HTR2C: variants seen among roughly 807,000 people sequenced by gnomAD.
HTR2C encodes the protein 5-hydroxytryptamine (serotonin) receptor 2C, G protein-coupled.
A neutral mutation model predicts 21.0 loss-of-function variants in HTR2C; 5 were observed. The observed-to-expected ratio is 0.24, with a 90% confidence interval of 0.12 to 0.50. The LOEUF (loss-of-function observed/expected upper bound fraction) is 0.50, where lower values mean the gene tolerates loss of function less well. Among genes scored for constraint, HTR2C ranks in the 20% least tolerant of loss-of-function variants. The probability of loss-of-function intolerance (pLI) is 0.98; values close to 1 mark genes in which losing one functional copy is unlikely to be tolerated. For synonymous variants in HTR2C, 150 were observed against 145.3 expected, an observed-to-expected ratio of 1.03 and a Z score of -0.23; for missense variants, 271 against 371.2, an observed-to-expected ratio of 0.73 and a Z score of 2.22.
At chrX:114,815,535 G>A (rs1415092794) in intron 4 of HTR2C, among the ~76,000 whole-genome samples, 1 of 111,261 alleles carries the variant, frequency 9.0e-6, no homozygotes, top group Non-Finnish European at 1.9e-5. Context: ...AGAAACTAGA[G>A]TTAGAAACAG....
At chrX:114,590,709 G>A (rs1556390856) in intron 1 of HTR2C, among the ~76,000 whole-genome samples, 1 of 111,708 alleles carries the variant, frequency 9.0e-6, no homozygotes, top group Non-Finnish European at 1.9e-5. Flanking sequence ...ACATATTTTA[G>A]GGCAATAAAA....
chrX:114,684,030 G>A (rs1931835656), intron 2 of HTR2C, among the ~76,000 whole-genome samples: 1 of 111,618 alleles, frequency 9.0e-6, no homozygotes, highest in African/African-American at 3.2e-5. Context: ...CTTGCCAGCA[G>A]TGAAAGTATA....
intron 5 of HTR2C, among the ~76,000 whole-genome samples, chrX:114,899,217 C>T (rs2071318924): frequency 9.0e-6 from 1 of 111,364 alleles, no homozygotes; most frequent in South Asian, 3.8e-4. Flanking sequence ...TAGGAATGCG[C>T]TATCTCAGGC....
At chrX:114,703,350 A>T (rs1313192440) in intron 2 of HTR2C, among the ~76,000 whole-genome samples, 2 of 110,811 alleles carry the variant, frequency 1.8e-5, no homozygotes, top group African/African-American at 3.3e-5. Context: ...CAGAAATTAT[A>T]ACAAACTGTC....
intron 2 of HTR2C, among the ~76,000 whole-genome samples, chrX:114,725,448 G>C (rs782679087): frequency 1.8e-5 from 2 of 110,775 alleles, no homozygotes; most frequent in South Asian, 7.7e-4. Flanking sequence ...CATCTTCTTT[G>C]CCTTTGGTTT....
At chrX:114,709,358 G>A (rs1479111661) in intron 2 of HTR2C, among the ~76,000 whole-genome samples, 2 of 111,684 alleles carry the variant, frequency 1.8e-5, no homozygotes, top group Non-Finnish European at 3.8e-5. Flanking sequence ...TAATGATCTA[G>A]GAATATTGGT....
chrX:114,869,786 A>G (rs1017253687), intron 5 of HTR2C, among the ~76,000 whole-genome samples: 18 of 111,924 alleles, frequency 1.6e-4, no homozygotes, highest in African/African-American at 5.5e-4. Context: ...TCAGTATGAT[A>G]TTAGCTGTGG....
chrX:114,842,748 G>A (rs1167385280), intron 4 of HTR2C, among the ~76,000 whole-genome samples: 2 of 110,789 alleles, frequency 1.8e-5, no homozygotes, highest in African/African-American at 6.6e-5. Context: ...AAGCATTGAA[G>A]GAAGGTCCCA....
At chrX:114,725,713 T>G (rs5987813) in intron 2 of HTR2C, among the ~76,000 whole-genome samples, 1 of 106,789 alleles carries the variant, frequency 9.4e-6, no homozygotes, top group African/African-American at 3.4e-5. Flanking sequence ...TCCTTTCTGT[T>G]TGTTAGTTTT....
chrX:114,885,110 A>G (rs1556480910), intron 5 of HTR2C, among the ~76,000 whole-genome samples: 3 of 111,341 alleles, frequency 2.7e-5, no homozygotes, highest in African/African-American at 9.8e-5. Flanking sequence ...AATAATGTGT[A>G]CAACAAACAC....
chrX:114,897,738 A>T (rs2071307475), intron 5 of HTR2C, among the ~76,000 whole-genome samples: 1 of 112,274 alleles, frequency 8.9e-6, no homozygotes, highest in Non-Finnish European at 1.9e-5. Flanking sequence ...ACGTAATCTC[A>T]TTCCTTTTTA....
chrX:114,737,823 C>T (rs1310049863), intron 4 of HTR2C, among the ~76,000 whole-genome samples: 1 of 111,185 alleles, frequency 9.0e-6, no homozygotes, highest in Non-Finnish European at 1.9e-5. Flanking sequence ...CACAAAAATC[C>T]CTCCGGACTC....
chrX:114,679,226 A>C (rs1203793455), intron 2 of HTR2C, among the ~76,000 whole-genome samples: 8 of 111,325 alleles, frequency 7.2e-5, no homozygotes, highest in African/African-American at 2.6e-4. Context: ...GTGCTGGCTT[A>C]TCCTTGGCAG....
intron 4 of HTR2C, among the ~76,000 whole-genome samples, chrX:114,836,526 C>A (rs1008154515): frequency 1.8e-5 from 2 of 112,438 alleles, no homozygotes; most frequent in African/African-American, 6.4e-5. Context: ...TGACCCCTTG[C>A]GCTTCCCAAG....
intron 4 of HTR2C, among the ~76,000 whole-genome samples, chrX:114,777,897 T>C (rs1216600121): frequency 8.9e-6 from 1 of 111,976 alleles, no homozygotes; most frequent in Non-Finnish European, 1.9e-5. Flanking sequence ...TGGTAGCTAA[T>C]GGAAAGCTGA....
chrX:114,654,997 A>G (rs1311569747), intron 2 of HTR2C, among the ~76,000 whole-genome samples: 4 of 109,111 alleles, frequency 3.7e-5, no homozygotes, highest in African/African-American at 1.0e-4. Flanking sequence ...TACTAAATGA[A>G]ACTACAAAAC....
intron 2 of HTR2C, among the ~76,000 whole-genome samples, chrX:114,675,420 A>G (rs1602679744): frequency 8.9e-6 from 1 of 112,227 alleles, no homozygotes; most frequent in Non-Finnish European, 1.9e-5. Flanking sequence ...TTTTTAGTCA[A>G]TGATCTAATC....
rs1278041633 is a variant in HTR2C at position 114,791,533 on chromosome X, C to G, written c.350-56470C>G. On this transcript the variant is annotated intron_variant, in intron 4 of 5. Transcript: ENST00000276198. ...GAAAACACTGGAAAATTTCCTCCCA[C>G]TCCCAAGTTTATAACTATTTAATTC... 2.7e-5 allele frequency among the ~76,000 whole-genome samples: 3 copies of G among 111,451 alleles called. No individual in the cohort carries two copies. The East Asian group carries it at 8.5e-4, about 32-fold the overall frequency.
intron 2 of HTR2C, among the ~76,000 whole-genome samples, chrX:114,658,066 T>A (rs1332544587): frequency 9.0e-6 from 1 of 111,143 alleles, no homozygotes; most frequent in Non-Finnish European, 1.9e-5. Context: ...ACAATTTTTT[T>A]TTGTTTGTTT....
Sources: allele counts gnomAD v4.1 joint callset (sites outside exome capture counted in the v4.1 genomes callset), GRCh38; gene constraint gnomAD v4.1.1; transcripts MANE v1.5; gene names NCBI Gene and HGNC (gene_info 2026-07-23, HGNC 2026-07-21).